The following NEBL variants were observed in gnomAD, a reference collection of about 807,000 sequenced individuals.
The protein encoded by NEBL is LIM and SH3 protein 2.
Under a neutral mutation model 140.2 loss-of-function variants are expected in NEBL, and 122 were observed. The observed-to-expected ratio is 0.87, with a 90% confidence interval of 0.75 to 1.01. The LOEUF (loss-of-function observed/expected upper bound fraction) is 1.01. Among genes scored for constraint, NEBL ranks in the 50% least tolerant of loss-of-function variants. The pLI is 0.00. For synonymous variants in NEBL, 436 were observed against 398.9 expected (o/e 1.09, Z -1.11); for missense variants, 1,365 against 1,231.3 (o/e 1.11, Z -1.62).
upstream of NEBL, among the ~76,000 whole-genome samples, chr10:21,177,072 A>G (rs1461168255): frequency 6.6e-6 from 1 of 151,972 alleles, no homozygotes; most frequent in Non-Finnish European, 1.5e-5. Context: ...TTTTCCTTCT[A>G]TTCTGGCACA....
intron 2 of NEBL, among the ~76,000 whole-genome samples, chr10:21,154,042 T>G (rs1840242160): frequency 6.6e-6 from 1 of 152,276 alleles, no homozygotes; most frequent in East Asian, 1.9e-4. Flanking sequence ...TGGGAAACTG[T>G]TTCCTAAAAA....
intron 2 of NEBL, among the ~76,000 whole-genome samples, chr10:21,094,710 T>A (rs1837099953): frequency 6.6e-6 from 1 of 152,100 alleles, no homozygotes; most frequent in Admixed American, 6.6e-5. Flanking sequence ...AGTCTGCTCC[T>A]TTGTAAATGG....
At chr10:20,901,335 C>T (rs1337282910), upstream of NEBL, among the ~76,000 whole-genome samples, 4 of 152,080 alleles carry the variant, frequency 2.6e-5, no homozygotes, top group Non-Finnish European at 5.9e-5. Flanking sequence ...GAGACACAGC[C>T]GTGGCCAAGG....
At chr10:21,164,962 A>G (rs1174924015) in intron 2 of NEBL, among the ~76,000 whole-genome samples, 2 of 152,268 alleles carry the variant, frequency 1.3e-5, no homozygotes, top group African/African-American at 2.4e-5. Flanking sequence ...GATGCTAACT[A>G]GAACTCTAAC....
At chr10:20,868,048 A>G (rs1173028642) in intron 7 of NEBL, 2 of 125,418 alleles carry the variant, frequency 1.6e-5, no homozygotes, top group African/African-American at 6.8e-5. Context: ...CATTTTATCT[A>G]TATTAAAAAA....
At chr10:21,065,165 C>T (rs1288786982) in intron 2 of NEBL, among the ~76,000 whole-genome samples, 1 of 152,118 alleles carries the variant, frequency 6.6e-6, no homozygotes, top group African/African-American at 2.4e-5. Flanking sequence ...TGAAAAAAAT[C>T]TCCTTTGGGT....
In NEBL at chr10:20,784,747, C is replaced by G. The variant is rs1404868474; in HGVS notation, c.*1000G>C. ...TAATCAAAGCTGTTCAATGGAACAC[C>G]TAAATCGCTTATTTACTAGAGTATA... On this transcript the variant is annotated 3_prime_UTR_variant, in exon 28 of 28. Transcript: ENST00000377122. The G allele has an allele frequency of 6.6e-6, 1 of 152,176 alleles. No homozygotes were observed. Among genetic ancestry groups the G allele is most frequent in the Non-Finnish European group, 1.5e-5 (1 of 68,030 alleles). 9.4% of individuals were successfully genotyped at this position (152,176 alleles called of 1,614,324 possible). A position where few individuals can be genotyped will look rare whatever the true frequency, so the allele number is the denominator to read the frequency against.
exon 2 of NEBL, among the ~76,000 whole-genome samples, chr10:21,251,751 C>G (rs1842591804): frequency 6.6e-6 from 1 of 152,100 alleles, no homozygotes; most frequent in African/African-American, 2.4e-5. Context: ...CATATGAGGA[C>G]ACAGAGAAAA....
At chr10:21,126,964 G>A (rs895432755) in intron 2 of NEBL, among the ~76,000 whole-genome samples, 3 of 124,632 alleles carry the variant, frequency 2.4e-5, no homozygotes, top group Admixed American at 8.9e-5. Flanking sequence ...GACAGAGGGA[G>A]ACCCTGTATC....
At chr10:20,931,083 T>C (rs1262605326) in intron 4 of NEBL, among the ~76,000 whole-genome samples, 1 of 149,856 alleles carries the variant, frequency 6.7e-6, no homozygotes, top group African/African-American at 2.5e-5. Flanking sequence ...ACCTCAGTCA[T>C]TCATAATTTT....
At chr10:20,831,047 A>G in intron 16 of NEBL, 149 bp downstream of exon 16, 1 of 688,920 alleles carries the variant, frequency 1.5e-6, no homozygotes, top group Admixed American at 2.1e-5. Context: ...AGTACGGTTA[A>G]TCAAGTTTGG....
chr10:20,911,284 C>A (rs1324583697), intron 4 of NEBL, among the ~76,000 whole-genome samples: 1 of 152,164 alleles, frequency 6.6e-6, no homozygotes, highest in Non-Finnish European at 1.5e-5. Context: ...TCAGGATCCC[C>A]AAACTGAAGT....
chr10:21,060,307 C>T (rs1438226371), intron 2 of NEBL, among the ~76,000 whole-genome samples: 2 of 152,080 alleles, frequency 1.3e-5, no homozygotes, highest in Non-Finnish European at 2.9e-5. Flanking sequence ...TAGGCAGTAT[C>T]AACATTCAAA....
At chr10:21,035,575 T>A (rs1833981631) in intron 2 of NEBL, among the ~76,000 whole-genome samples, 1 of 152,134 alleles carries the variant, frequency 6.6e-6, no homozygotes, top group African/African-American at 2.4e-5. Flanking sequence ...TAAAACTCAA[T>A]AGGTCATTAT....
intron 1 of NEBL, among the ~76,000 whole-genome samples, chr10:21,256,922 T>C (rs568169712): frequency 5.9e-5 from 9 of 152,360 alleles, no homozygotes; most frequent in African/African-American, 1.9e-4. Context: ...AGGTTTTGTA[T>C]GTCTACTGGT....
intron 2 of NEBL, among the ~76,000 whole-genome samples, chr10:21,163,831 T>G (rs1037221706): frequency 6.6e-6 from 1 of 152,130 alleles, no homozygotes. Context: ...TAAGAATGAG[T>G]CAACAGAGAG....
intron 2 of NEBL, among the ~76,000 whole-genome samples, chr10:21,086,503 C>A (rs111659741): frequency 0.023 from 3,549 of 152,250 alleles, 140 homozygotes; most frequent in African/African-American, 0.078. Flanking sequence ...TCTAGTCGGG[C>A]ATGGTGGCTC....
intron 16 of NEBL, among the ~76,000 whole-genome samples, chr10:20,830,271 A>G (rs1840277699): frequency 6.6e-6 from 1 of 152,114 alleles, no homozygotes; most frequent in African/African-American, 2.4e-5. Context: ...TTCTGCATAA[A>G]CTCCATTAAT....
At chr10:20,850,780 G>A (rs1357676188) in intron 10 of NEBL, among the ~76,000 whole-genome samples, 2 of 152,186 alleles carry the variant, frequency 1.3e-5, no homozygotes, top group East Asian at 3.9e-4. Context: ...GGAATATATA[G>A]ATATGTATCG....
Sources: gnomAD v4.1 joint callset for allele counts (sites outside exome capture counted in the v4.1 genomes callset) on GRCh38, gnomAD v4.1.1 for gene constraint, MANE v1.5 for transcripts, NCBI Gene and HGNC (gene_info 2026-07-23, HGNC 2026-07-21) for gene names.